The following AFG3L2 variants were observed in gnomAD, a reference collection of about 807,000 sequenced individuals.
AFG3L2 encodes mitochondrial inner membrane m-AAA protease component AFG3L2.
A neutral mutation model predicts 94.5 loss-of-function variants in AFG3L2; 54 were observed. That is an observed-to-expected ratio of 0.57 (90% confidence interval 0.46 to 0.72). The LOEUF (loss-of-function observed/expected upper bound fraction) is 0.72, where lower values mean the gene tolerates loss of function less well. AFG3L2 is among the 30% of genes least tolerant of loss of function. AFG3L2 has a pLI of 0.00. For missense variants in AFG3L2, 754 were observed against 994.9 expected, an observed-to-expected ratio of 0.76 and a Z score of 3.26; for synonymous variants, 377 against 365.5, an observed-to-expected ratio of 1.03 and a Z score of -0.36.
intron 6 of AFG3L2, among the ~76,000 whole-genome samples, chr18:12,363,368 A>C (rs907299956): frequency 5.3e-5 from 8 of 152,228 alleles, no homozygotes; most frequent in African/African-American, 1.9e-4. Context: ...ATAATATCAC[A>C]AAATGGTTGG....
At chr18:12,333,195 TATA>T (rs1598818361) in intron 16 of AFG3L2, among the ~76,000 whole-genome samples, 4 of 113,678 alleles carry the variant, frequency 3.5e-5, no homozygotes, top group South Asian at 2.3e-4. Context: ...AAATAATATA[TATA>T]ATAATCTAAT....
In AFG3L2 at chr18:12,330,304, C is replaced by T. The variant is rs138291603; in HGVS notation, c.2176-521G>A. ...TTGTGCCACTGCACTCCAGCCTGGG[C>T]GACAGAGCGAGACTCCTTCTCAAAA... is the stretch of plus-strand genomic sequence containing the variant. On this transcript the variant is annotated intron_variant, in intron 16 of 16. Transcript: ENST00000269143. 4.3e-3 allele frequency among the ~76,000 whole-genome samples: 632 copies of T among 146,662 alleles called. 7 individuals carry two copies. Among genetic ancestry groups the T allele is most frequent in the African/African-American group, 0.012 (496 of 40,060 alleles).
rs141692405 is a variant in AFG3L2 at position 12,333,787 on chromosome 18, G to A, written c.2175+3554C>T. Among the ~76,000 whole-genome samples the A allele has an allele frequency of 4.6e-3, 707 of 152,214 alleles. 1 individual carries two copies. Among genetic ancestry groups the A allele is most frequent in the Middle Eastern group, 0.014 (4 of 294 alleles). ...CATTTAACAGTTCTCGATTCACAGC[G>A]GCCACCAAGTGCTCGGCAGCCCTCC... On this transcript the variant is annotated intron_variant, in intron 16 of 16. Transcript: ENST00000269143.
At chr18:12,359,402 T>C (rs996133235) in intron 7 of AFG3L2, among the ~76,000 whole-genome samples, 3 of 151,700 alleles carry the variant, frequency 2.0e-5, no homozygotes, top group South Asian at 2.1e-4. Flanking sequence ...TAAGTATAAA[T>C]GTGTACAAAA....
rs1908371835 is a variant in AFG3L2 at position 12,353,107 on chromosome 18, T to C, written c.1216A>G (p.Ile406Val). 1.6e-5 allele frequency: 26 copies of C among 1,614,216 alleles called. No individual in the cohort carries two copies. Among genetic ancestry groups the C allele is most frequent in the Non-Finnish European group, 1.7e-5 (20 of 1,180,042 alleles). ...ARKNAPCILF[I>V]DEIDAVGRKR... The stretch of plus-strand genomic sequence containing the variant: ...CTTCCCACCGCATCGATTTCATCGA[T>C]GAAGAGGATGCAAGGGGCATTCTTC... Residue 406 changes from isoleucine to valine, a missense_variant, in exon 10 of 17, where the codon ATC becomes GTC. Ile to Val is a conservative substitution (Grantham distance 29). This residue lies in a region of AFG3L2 where 109 missense variants were observed against 227.1 expected (regional missense o/e 0.48). Transcript: ENST00000269143.
intron 13 of AFG3L2, among the ~76,000 whole-genome samples, chr18:12,345,326 T>C (rs1305814102): frequency 6.6e-6 from 1 of 152,276 alleles, no homozygotes; most frequent in South Asian, 2.1e-4. Context: ...CCTCACTCCA[T>C]ACCTCTGTGC....
intron 6 of AFG3L2, among the ~76,000 whole-genome samples, chr18:12,360,935 T>C (rs1568143256): frequency 1.3e-5 from 2 of 151,988 alleles, no homozygotes; most frequent in Admixed American, 6.6e-5. Flanking sequence ...ATTTATGGAG[T>C]TTACTAGCTA....
At chr18:12,347,635 C>T (rs1908187041) in intron 13 of AFG3L2, among the ~76,000 whole-genome samples, 1 of 151,748 alleles carries the variant, frequency 6.6e-6, no homozygotes, top group Non-Finnish European at 1.5e-5. Context: ...ACCATAACCT[C>T]TGCCTCCCGG....
chr18:12,341,463 A>C (rs1484728204), intron 14 of AFG3L2: 1 of 152,200 alleles, frequency 6.6e-6, no homozygotes, highest in Non-Finnish European at 1.5e-5. Context: ...AGGCAACCAC[A>C]GACATGCCTT....
chr18:12,370,427 CAACCTACAGCTTCACAACTGACTTACTAT>C (rs1451109034), intron 3 of AFG3L2, among the ~76,000 whole-genome samples: 1 of 150,854 alleles, frequency 6.6e-6, no homozygotes, highest in African/African-American at 2.4e-5. Flanking sequence ...TATGTACTTG[CAACCTACAGCTTCACAACTGACTTACTAT>C]AACTTTCTTT....
intron 6 of AFG3L2, among the ~76,000 whole-genome samples, chr18:12,363,430 T>C (rs1382947521): frequency 1.3e-5 from 2 of 152,202 alleles, no homozygotes; most frequent in African/African-American, 4.8e-5. Flanking sequence ...TCTCAAAACA[T>C]AGGCAATTGA....
intron 9 of AFG3L2, among the ~76,000 whole-genome samples, chr18:12,355,331 CAT>C (rs1347371784): frequency 6.6e-6 from 1 of 151,874 alleles, no homozygotes; most frequent in African/African-American, 2.4e-5. Flanking sequence ...GGCCAATAAG[CAT>C]ATACAAGATG....
Position 12,367,098 on chromosome 18 carries a change from T to C in AFG3L2, c.419A>G (p.Asp140Gly). The C allele has an allele frequency of 6.2e-7, 1 of 1,614,218 alleles. No individual in the cohort carries two copies. Among genetic ancestry groups the C allele is most frequent in the Non-Finnish European group, 8.5e-7 (1 of 1,180,040 alleles). The change falls in exon 5 of 17, where the codon GAC becomes GGC. Residue 140 changes from aspartate to glycine, a missense_variant. Coordinates refer to ENST00000269143, the MANE Select transcript of AFG3L2 (RefSeq NM_006796.3). ...RFQKGDIPWD[D>G]KDFRMFFLWT... ...GAGGAAGAACATCCTGAAATCCTTG[T>C]CGTCCCATGGAATGTCACCCTGGGC...
intron 3 of AFG3L2, among the ~76,000 whole-genome samples, chr18:12,368,711 A>G (rs535923180): frequency 1.3e-5 from 2 of 151,886 alleles, no homozygotes; most frequent in African/African-American, 4.8e-5. Flanking sequence ...AGCGATTCTC[A>G]TGCCTCAGCC....
chr18:12,375,398 T>C (rs1233683020), intron 1 of AFG3L2, among the ~76,000 whole-genome samples: 5 of 142,648 alleles, frequency 3.5e-5, no homozygotes, highest in African/African-American at 1.3e-4. Context: ...CATAAGTCAC[T>C]GAGCCCAGGT....
chr18:12,344,288 G>A, intron 13 of AFG3L2, 41 bp from the exon 14 acceptor site: 1 of 1,500,310 alleles, frequency 6.7e-7, no homozygotes, highest in Non-Finnish European at 9.3e-7. Flanking sequence ...CATTGTTACA[G>A]TGACACTGAC....
At chr18:12,376,704 G>A (rs1246847537) in intron 1 of AFG3L2, among the ~76,000 whole-genome samples, 1 of 152,232 alleles carries the variant, frequency 6.6e-6, no homozygotes, top group Non-Finnish European at 1.5e-5. Context: ...CATGACCTTC[G>A]AGGCTTCAAC....
intron 3 of AFG3L2, among the ~76,000 whole-genome samples, chr18:12,369,642 A>G (rs1335606154): frequency 6.6e-6 from 1 of 150,928 alleles, no homozygotes; most frequent in Non-Finnish European, 1.5e-5. Context: ...AATCACCTGA[A>G]CCCAAGAGGC....
intron 13 of AFG3L2, among the ~76,000 whole-genome samples, chr18:12,345,948 C>T (rs890126506): frequency 8.5e-5 from 13 of 152,210 alleles, no homozygotes; most frequent in South Asian, 2.1e-4. Flanking sequence ...CATTGCTCTA[C>T]CAGCCTCTAT....
Sources: gnomAD v4.1 joint callset for allele counts (sites outside exome capture counted in the v4.1 genomes callset) on GRCh38, gnomAD v4.1.1 for gene constraint, gnomAD v4.1.1 regional missense constraint, MANE v1.5 for transcripts, NCBI Gene and HGNC (gene_info 2026-07-23, HGNC 2026-07-21) for gene names.